LETM1: variants seen among roughly 807,000 people sequenced by gnomAD.
The protein encoded by LETM1 is mitochondrial proton/calcium exchanger protein.
In LETM1, 50 loss-of-function variants were observed where a neutral mutation model predicts 74.5. The ratio of observed to expected loss-of-function variants is 0.67; its 90% CI spans 0.53 to 0.85. The LOEUF is 0.85. Ranked by LOEUF, LETM1 falls within the 40% of genes least tolerant of loss-of-function variation. LETM1 has a pLI of 0.00. For synonymous variants in LETM1, 446 were observed against 407.1 expected, an observed-to-expected ratio of 1.10 and a Z score of -1.15; for missense variants, 824 against 967.8, an observed-to-expected ratio of 0.85 and a Z score of 1.97.
intron 6 of LETM1, among the ~76,000 whole-genome samples, chr4:1,830,018 T>C (rs1199813250): frequency 2.0e-5 from 3 of 152,232 alleles, no homozygotes; most frequent in African/African-American, 7.2e-5. Context: ...AATTTGCAGA[T>C]TTACATCTTT....
chr4:1,823,887 G>T, intron 7 of LETM1, 112 bp from the exon 8 acceptor site: 1 of 1,206,254 alleles, frequency 8.3e-7, no homozygotes. Flanking sequence ...AGTGTCTCAA[G>T]TTCTACAAGG....
chr4:1,815,343 C>T (rs1001342402), intron 13 of LETM1, among the ~76,000 whole-genome samples: 2 of 152,166 alleles, frequency 1.3e-5, no homozygotes, highest in African/African-American at 2.4e-5. Context: ...CGCCCCTCAG[C>T]GTCGGGGGCC....
chr4:1,825,505 C>T (rs960534940), intron 7 of LETM1, 59 bp downstream of exon 7: 18 of 1,572,526 alleles, frequency 1.1e-5, no homozygotes, highest in African/African-American at 4.0e-5. Flanking sequence ...AGTGGCCTTT[C>T]GAGGCTGATG....
chr4:1,842,412 C>A (rs980357397), intron 2 of LETM1, among the ~76,000 whole-genome samples: 1 of 152,232 alleles, frequency 6.6e-6, no homozygotes, highest in Admixed American at 6.5e-5. Context: ...CACCAGCAGG[C>A]TCCAAGCCCA....
intron 6 of LETM1, among the ~76,000 whole-genome samples, chr4:1,827,986 A>T (rs1056244294): frequency 1.5e-5 from 2 of 134,920 alleles, no homozygotes; most frequent in African/African-American, 6.2e-5. Context: ...ACTTCCCAGC[A>T]GGGGCGGCCG....
intron 7 of LETM1, among the ~76,000 whole-genome samples, 163 bp downstream of exon 7, chr4:1,825,401 G>A (rs751818752): frequency 6.6e-6 from 1 of 152,254 alleles, no homozygotes; most frequent in Non-Finnish European, 1.5e-5. Flanking sequence ...GGTAGGAGCA[G>A]AAGGGCGAGA....
intron 6 of LETM1, among the ~76,000 whole-genome samples, chr4:1,832,324 G>C (rs543847031): frequency 1.4e-4 from 21 of 152,000 alleles, no homozygotes; most frequent in African/African-American, 5.1e-4. Context: ...GGAGTAATCA[G>C]ACCTAGAAGG....
At position 1,844,958 on chromosome 4, in the gene LETM1, G is replaced by A. The variant is rs528825935; in HGVS notation, c.144-3161C>T. 7.3e-5 allele frequency among the ~76,000 whole-genome samples: 11 copies of A among 151,066 alleles called. No individual in the cohort carries two copies. The South Asian group carries it at 1.7e-3, about 23-fold the overall frequency. On this transcript the variant is annotated intron_variant, in intron 2 of 13. Transcript: ENST00000302787. The stretch of plus-strand genomic sequence containing the variant: ...TGTAATCCTAGCACTTTGAGAGGCC[G>A]AGGCGGGCAGATCACGAGGTCAGGA...
In LETM1 at chr4:1,841,569, G is replaced by A; in HGVS notation, c.372C>T (p.Leu124=). 6.2e-7 allele frequency: 1 copy of A among 1,614,228 alleles called. No individual in the cohort carries two copies. Among genetic ancestry groups the A allele is most frequent in the Non-Finnish European group, 8.5e-7 (1 of 1,180,046 alleles). The stretch of plus-strand genomic sequence containing the variant: ...TCTTGTTCTTGTCCTTCAAGGACTT[G>A]AGGGACTTCTCTACTACCGAGTCAT... ...VRDDSVVEKS[L]KSLKDKNKKL... is the part of the protein sequence containing the mutation. The change falls in exon 3 of 14, where the codon CTC becomes CTT. Residue 124 remains leucine, a synonymous_variant. Coordinates refer to ENST00000302787, the MANE Select transcript of LETM1 (RefSeq NM_012318.3).
At chr4:1,828,319 CAG>C (rs1712091462) in intron 6 of LETM1, among the ~76,000 whole-genome samples, 2 of 109,686 alleles carry the variant, frequency 1.8e-5, no homozygotes, top group East Asian at 3.2e-4. Context: ...GCTGGCCGGG[CAG>C]GGGGGCTGAC....
In LETM1 at chr4:1,832,842, C is replaced by T. The variant is rs1294528928; in HGVS notation, c.982G>A (p.Ala328Thr). ...LDNLTRPQLVALCKLLELQSI... is the reference protein window; with the variant it reads ...LDNLTRPQLVTLCKLLELQSI... ...TGTAGCTCCAGCAGCTTGCACAGGG[C>T]CACCAGCTGCGGCCGTGTCAGGTTG... The change falls in exon 6 of 14, where the codon GCC (alanine) becomes ACC (threonine). Residue 328 changes from alanine to threonine, a missense_variant. Around this residue, in one of 4 missense-constraint regions of LETM1, gnomAD observed 269 missense variants for 348.8 expected, o/e 0.77. Coordinates refer to ENST00000302787, the MANE Select transcript of LETM1 (RefSeq NM_012318.3). 1 of 1,613,950 alleles carries T rather than the reference C, an allele frequency of 6.2e-7. No individual in the cohort carries two copies. The highest frequency in any genetic ancestry group is 8.5e-7 in the Non-Finnish European group (1 of 1,180,016).
At chr4:1,832,388 C>T (rs529746946) in intron 6 of LETM1, among the ~76,000 whole-genome samples, 37 of 152,074 alleles carry the variant, frequency 2.4e-4, no homozygotes, top group African/African-American at 6.0e-4. Context: ...CAAGCACGTG[C>T]GATGGACAGG....
chr4:1,837,442 G>A (rs564943565), intron 3 of LETM1, among the ~76,000 whole-genome samples: 15 of 152,114 alleles, frequency 9.9e-5, no homozygotes, highest in South Asian at 4.1e-4. Context: ...TTTTTTTATC[G>A]CACTGGACCC....
intron 1 of LETM1, among the ~76,000 whole-genome samples, chr4:1,849,716 C>G (rs1052194181): frequency 6.6e-6 from 1 of 152,234 alleles, no homozygotes; most frequent in East Asian, 1.9e-4. Context: ...ACCATCAGGC[C>G]AGGCTAATTT....
intron 3 of LETM1, chr4:1,839,309 C>G (rs750811381): frequency 1.3e-5 from 2 of 152,320 alleles, no homozygotes; most frequent in East Asian, 1.9e-4. Context: ...CAGAGGGACA[C>G]GCGCAGCCCC....
At chr4:1,828,291 T>C (rs1223355877) in intron 6 of LETM1, among the ~76,000 whole-genome samples, 4 of 76,766 alleles carry the variant, frequency 5.2e-5, no homozygotes, top group Non-Finnish European at 4.9e-5. Flanking sequence ...CCCCCCCACC[T>C]CCCTCCCGGA....
chr4:1,831,328 G>C (rs1449689460), intron 6 of LETM1, among the ~76,000 whole-genome samples: 2 of 152,244 alleles, frequency 1.3e-5, no homozygotes, highest in Admixed American at 6.5e-5. Flanking sequence ...AGACATCTGC[G>C]GGACAGCGGT....
intron 10 of LETM1, among the ~76,000 whole-genome samples, chr4:1,820,776 C>A (rs1362408551): frequency 6.6e-6 from 1 of 152,194 alleles, no homozygotes; most frequent in Non-Finnish European, 1.5e-5. Context: ...GTAAACCCAG[C>A]ACTTTGGGAG....
intron 6 of LETM1, among the ~76,000 whole-genome samples, chr4:1,827,472 T>A (rs921024279): frequency 5.4e-5 from 6 of 112,052 alleles, no homozygotes; most frequent in African/African-American, 2.1e-4. Flanking sequence ...TACTTGAGAT[T>A]AGGGATTGGT....
Sources: gnomAD v4.1 joint callset for allele counts (sites outside exome capture counted in the v4.1 genomes callset) on GRCh38, gnomAD v4.1.1 for gene constraint, gnomAD v4.1.1 regional missense constraint, MANE v1.5 for transcripts, NCBI Gene and HGNC (gene_info 2026-07-23, HGNC 2026-07-21) for gene names.